The following SAMD9 variants were observed in gnomAD, a reference collection of about 807,000 sequenced individuals.
The protein encoded by SAMD9 is sterile alpha motif domain-containing protein 9.
Under a neutral mutation model 1.5 loss-of-function variants are expected in SAMD9, and 3 were observed. The observed-to-expected ratio is 2.05, with a 90% CI of 0.93 to 5.29. The LOEUF (loss-of-function observed/expected upper bound fraction) is 5.29. Ranked by LOEUF, SAMD9 falls within the 30% of genes most tolerant of loss-of-function variation. The probability of loss-of-function intolerance (pLI) is 0.02; values close to 1 mark genes in which losing one functional copy is unlikely to be tolerated. For synonymous variants in SAMD9, 635 were observed against 631.9 expected, an observed-to-expected ratio of 1.00 and a Z score of -0.07; for missense variants, 1,597 against 1,820.8, an observed-to-expected ratio of 0.88 and a Z score of 2.24.
Position 93,103,616 on chromosome 7 carries a change from G to C in SAMD9, c.2482C>G (p.Pro828Ala). 1 of 1,613,556 alleles carries C rather than the reference G, an allele frequency of 6.2e-7. No individual in the cohort carries two copies. The highest frequency in any genetic ancestry group is 8.5e-7 in the Non-Finnish European group (1 of 1,179,670). Residue 828 changes from proline (P) to alanine (A), a missense_variant, in exon 3 of 3, where the codon CCT (proline) becomes GCT (alanine). Pro to Ala is a conservative substitution (Grantham distance 27). Around this residue, in one of 6 missense-constraint regions of SAMD9, gnomAD observed 55 missense variants for 58.6 expected, o/e 0.94. Coordinates refer to ENST00000379958, the MANE Select transcript of SAMD9 (RefSeq NM_017654.4). ...ATACAATTTAGGATAATCACCAGAGGTTTTTCATATCGAATGTACTTTTTA... is the reference window on the plus strand; with the variant it reads ...ATACAATTTAGGATAATCACCAGAGCTTTTTCATATCGAATGTACTTTTTA... ...IAKKYIRYEK[P>A]LVIILNCMRS...
intron 2 of SAMD9, among the ~76,000 whole-genome samples, chr7:93,109,169 G>A (rs544256175): frequency 5.3e-5 from 8 of 152,280 alleles, no homozygotes; most frequent in Admixed American, 6.5e-5. Flanking sequence ...AACCTCTGCC[G>A]CTGATACCCA....
intron 2 of SAMD9, among the ~76,000 whole-genome samples, chr7:93,113,221 T>A (rs1414935275): frequency 6.6e-6 from 1 of 152,208 alleles, no homozygotes; most frequent in African/African-American, 2.4e-5. Flanking sequence ...CCCTATTTGA[T>A]AAATGGTGCT....
At chr7:93,109,168 C>T (rs750823149) in intron 2 of SAMD9, among the ~76,000 whole-genome samples, 7 of 152,120 alleles carry the variant, frequency 4.6e-5, no homozygotes, top group Admixed American at 1.3e-4. Context: ...CAACCTCTGC[C>T]GCTGATACCC....
At chr7:93,113,940 C>T (rs1395571822) in intron 2 of SAMD9, among the ~76,000 whole-genome samples, 2 of 152,084 alleles carry the variant, frequency 1.3e-5, no homozygotes, top group Non-Finnish European at 2.9e-5. Flanking sequence ...CCAGCCATCC[C>T]ATTACTGGGT....
In SAMD9 at chr7:93,104,480, A is replaced by C; in HGVS notation, c.1618T>G (p.Leu540Val). Reference protein sequence around the residue: ...HEDIMPRGKFLVVFLLLSSVD... With the variant: ...HEDIMPRGKFVVVFLLLSSVD... ...GAGGACAGTAATAGAAATACCACCA[A>C]AAACTTCCCTCTTGGCATTATGTCT... Residue 540 changes from leucine (L) to valine (V), a missense_variant, in exon 3 of 3, where the codon TTG becomes GTG. Transcript: ENST00000379958. The C allele has an allele frequency of 6.2e-7, 1 of 1,614,042 alleles. No homozygotes were observed. Among genetic ancestry groups the C allele is most frequent in the Non-Finnish European group, 8.5e-7 (1 of 1,179,914 alleles).
At position 93,102,245 on chromosome 7, in the gene SAMD9, T is replaced by A. The variant is rs1170957713; in HGVS notation, c.3853A>T (p.Lys1285Ter). The change falls in exon 3 of 3, where the codon AAG (lysine) becomes TAG (stop). Residue 1285 changes from lysine (K) to a stop codon, truncating the protein, a stop_gained. Coordinates refer to ENST00000379958, the MANE Select transcript of SAMD9 (RefSeq NM_017654.4). LOFTEE classifies it low-confidence loss of function (END_TRUNC). ...CGAGTTTTGGCCTCTTCATTTTGCT[T>A]AATATTGTTCCTGGGTTTTAGCAGG... ...FVLLKPRNNI[K>*]QNEEAKTRRK... 1 of 1,613,730 alleles carries A rather than the reference T, an allele frequency of 6.2e-7. No homozygotes were observed. The highest frequency in any genetic ancestry group is 2.2e-5 in the East Asian group (1 of 44,854).
At position 93,104,583 on chromosome 7, in the gene SAMD9, A is replaced by C. The variant is rs755272329; in HGVS notation, c.1515T>G (p.Tyr505Ter). 6.2e-7 allele frequency: 1 copy of C among 1,614,072 alleles called. No individual in the cohort carries two copies. The highest frequency in any genetic ancestry group is 8.5e-7 in the Non-Finnish European group (1 of 1,179,934). ...NGRLDLDSEK[Y>*]KPFDPSSWQR... Reference sequence around the variant, plus strand: ...GCCAGGAACTTGGATCAAAGGGTTTATATTTTTCACTGTCAAGGTCTAACC... The same window carrying C: ...GCCAGGAACTTGGATCAAAGGGTTTCTATTTTTCACTGTCAAGGTCTAACC... The change falls in exon 3 of 3, where the codon TAT becomes TAG. Residue 505 changes from tyrosine to a stop codon, truncating the protein, a stop_gained. Transcript: ENST00000379958. LOFTEE classifies it low-confidence loss of function (END_TRUNC).
In SAMD9 at chr7:93,100,724, T is replaced by C. The variant is rs1791514046; in HGVS notation, c.*604A>G. On this transcript the variant is annotated 3_prime_UTR_variant, in exon 3 of 3. Coordinates refer to ENST00000379958, the MANE Select transcript of SAMD9 (RefSeq NM_017654.4). The stretch of plus-strand genomic sequence containing the variant: ...ATTAGCTATAGAGACAAATTTCATT[T>C]TTGCTTAACTGAATCTCACTGCATG... 6.6e-6 allele frequency: 1 copy of C among 152,422 alleles called. No individual in the cohort carries two copies. The highest frequency in any genetic ancestry group is 1.5e-5 in the Non-Finnish European group (1 of 68,254). 9.4% of individuals were successfully genotyped at this position (152,422 alleles called of 1,614,324 possible).
At chr7:93,117,772 A>G (rs1791855096) in intron 1 of SAMD9, 91 bp downstream of exon 1, 1 of 152,192 alleles carries the variant, frequency 6.6e-6, no homozygotes, top group Admixed American at 6.5e-5. Flanking sequence ...GGTATATTTG[A>G]AGCTTCTAAT....
chr7:93,105,586 T>C lies in SAMD9; in HGVS notation c.512A>G (p.Asn171Ser). Residue 171 changes from asparagine (N) to serine (S), a missense_variant, in exon 3 of 3, where the codon AAT becomes AGT. Coordinates refer to ENST00000379958, the MANE Select transcript of SAMD9 (RefSeq NM_017654.4). ...CVSYPFDEFS[N>S]PYRYKLDFSL... The stretch of plus-strand genomic sequence containing the variant: ...AAAATCCAACTTGTAACGATATGGA[T>C]TACTGAATTCATCAAATGGATATGA... 1.2e-6 allele frequency: 2 copies of C among 1,614,114 alleles called. No homozygotes were observed. The highest frequency in any genetic ancestry group is 1.7e-6 in the Non-Finnish European group (2 of 1,180,006).
chr7:93,102,915 A>G lies in SAMD9; in HGVS notation c.3183T>C (p.Asp1061=), dbSNP rs1441378947. Reference sequence around the variant, plus strand: ...CAGCTTCAACTGCTTCATTTCCTTCATCTTTATGTAATGCTTCAATAAATG... The same window carrying G: ...CAGCTTCAACTGCTTCATTTCCTTCGTCTTTATGTAATGCTTCAATAAATG... ...FSPFIEALHK[D]EGNEAVEAVL... is the part of the protein sequence containing the mutation. The change falls in exon 3 of 3, where the codon GAT becomes GAC. Residue 1061 remains aspartate, a synonymous_variant. Transcript: ENST00000379958. 6.2e-7 allele frequency: 1 copy of G among 1,613,760 alleles called. No individual in the cohort carries two copies. The highest frequency in any genetic ancestry group is 8.5e-7 in the Non-Finnish European group (1 of 1,179,840).
In SAMD9 at chr7:93,105,075, T is replaced by C; in HGVS notation, c.1023A>G (p.Leu341=). The C allele has an allele frequency of 1.9e-6, 3 of 1,614,006 alleles. No individual in the cohort carries two copies. The highest frequency in any genetic ancestry group is 2.5e-6 in the Non-Finnish European group (3 of 1,179,960). ...KIWEQSKKFS[L]FVRDGTSSKD... ...TAGAGCTGGTCCCATCTCGCACAAA[T>C]AGTGAGAATTTTTTACTTTGTTCCC... The change falls in exon 3 of 3, where the codon CTA becomes CTG. Residue 341 remains leucine, a synonymous_variant. Transcript: ENST00000379958.
In SAMD9 at chr7:93,111,354, G is replaced by A. The variant is rs145309161; in HGVS notation, c.-9+3441C>T. 6.5e-4 allele frequency among the ~76,000 whole-genome samples: 99 copies of A among 152,290 alleles called. 1 individual carries two copies. In the East Asian group the frequency reaches 0.018, roughly 28 times the overall value. Reference sequence around the variant, plus strand: ...CACTAAATGCCCACAGGAGATAGCAGGAAAGATCTAAAATTGACACCCTAA... The same window carrying A: ...CACTAAATGCCCACAGGAGATAGCAAGAAAGATCTAAAATTGACACCCTAA... On this transcript the variant is annotated intron_variant, in intron 2 of 2. Coordinates refer to ENST00000379958, the MANE Select transcript of SAMD9 (RefSeq NM_017654.4).
rs1490417831 is a variant in SAMD9 at position 93,102,646 on chromosome 7, G to A, written c.3452C>T (p.Ala1151Val). ...GGCATGTTCTGCTAAATCCAAAAGA[G>A]CAATTAGATCATCAACTGAAATGTT... ...NGNISVDDLI[A>V]LLDLAEHASS... Residue 1151 changes from alanine to valine, a missense_variant, in exon 3 of 3, where the codon GCT becomes GTT. By Grantham distance (64) the Ala-to-Val change is moderately conservative. Around this residue, in one of 6 missense-constraint regions of SAMD9, gnomAD observed 682 missense variants for 810.0 expected, o/e 0.84. Transcript: ENST00000379958. 2 of 1,613,782 alleles carry A rather than the reference G, an allele frequency of 1.2e-6. No individual in the cohort carries two copies. Among genetic ancestry groups the A allele is most frequent in the African/African-American group, 1.3e-5 (1 of 75,002 alleles).
chr7:93,108,621 T>C (rs1156560697), intron 2 of SAMD9, among the ~76,000 whole-genome samples: 1 of 152,184 alleles, frequency 6.6e-6, no homozygotes, highest in Non-Finnish European at 1.5e-5. Context: ...GCTGTTCCAA[T>C]GGTCTTAGCA....
At chr7:93,107,369 T>G (rs1397351067) in intron 2 of SAMD9, among the ~76,000 whole-genome samples, 1 of 152,230 alleles carries the variant, frequency 6.6e-6, no homozygotes, top group East Asian at 1.9e-4. Flanking sequence ...TAATAAGAGC[T>G]GATTCCTGAG....
rs1183004790 is a variant in SAMD9, at chr7:93,103,824, G to T, written c.2274C>A (p.Phe758Leu). Reference protein sequence around the residue: ...MHILWELRKKFRCAVLKNKTV... With the variant: ...MHILWELRKKLRCAVLKNKTV... ...TCTTGTTTTTCAGCACAGCACATCT[G>T]AATTTCTTCCTTAGTTCCCAGAGAA... is the stretch of plus-strand genomic sequence containing the variant. The change falls in exon 3 of 3, where the codon TTC becomes TTA. Residue 758 changes from phenylalanine (F) to leucine (L), a missense_variant. Transcript: ENST00000379958. 1 of 1,613,932 alleles carries T rather than the reference G, an allele frequency of 6.2e-7. No individual in the cohort carries two copies. The highest frequency in any genetic ancestry group is 1.1e-5 in the South Asian group (1 of 91,086).
At chr7:93,117,516 C>T (rs1054138625) in intron 1 of SAMD9, among the ~76,000 whole-genome samples, 16 of 152,048 alleles carry the variant, frequency 1.1e-4, no homozygotes, top group Admixed American at 3.9e-4. Context: ...AATTCCTGGC[C>T]TCAAACAATT....
In SAMD9 at chr7:93,103,869, TC is replaced by T; in HGVS notation, c.2228del (p.Gly743GlufsTer12). On this transcript the variant is annotated frameshift_variant, in exon 3 of 3. Transcript: ENST00000379958. LOFTEE classifies it low-confidence loss of function (END_TRUNC). Reference sequence around the variant, plus strand: ...AGAGAATGTGCATAGCCAAGGTAGTTCCCCCACAGCCTGGATGATGATACAG... The same window carrying T: ...AGAGAATGTGCATAGCCAAGGTAGTTCCCCACAGCCTGGATGATGATACAG... ...IHLYHHPGCG[G>X]TTLAMHILWE... 1.2e-6 allele frequency: 2 copies of T among 1,613,978 alleles called. No homozygotes were observed. Among genetic ancestry groups the T allele is most frequent in the Non-Finnish European group, 1.7e-6 (2 of 1,179,872 alleles).
Sources: allele counts gnomAD v4.1 joint callset (sites outside exome capture counted in the v4.1 genomes callset), GRCh38; gene constraint gnomAD v4.1.1; regional missense constraint gnomAD v4.1.1; transcripts MANE v1.5; gene names NCBI Gene and HGNC (gene_info 2026-07-23, HGNC 2026-07-21).